Variants in TUSC3 observed in about 807,000 individuals in gnomAD.
The protein encoded by TUSC3 is dolichyl-diphosphooligosaccharide--protein glycosyltransferase subunit TUSC3.
In TUSC3, 45 loss-of-function variants were observed where a neutral mutation model predicts 44.8. The ratio of observed to expected loss-of-function variants is 1.00; its 90% confidence interval spans 0.79 to 1.29. The LOEUF is 1.29. Among genes scored for constraint, TUSC3 ranks in the 50% most tolerant of loss-of-function variants. The pLI, the probability that TUSC3 is intolerant of heterozygous loss-of-function variation, is 0.00. For synonymous variants in TUSC3, 212 were observed against 152.9 expected (o/e 1.39, Z -2.85); for missense variants, 519 against 437.9 (o/e 1.19, Z -1.65).
chr8:15,739,449 C>G (rs914899424), intron 7 of TUSC3, among the ~76,000 whole-genome samples: 1 of 151,974 alleles, frequency 6.6e-6, no homozygotes. Flanking sequence ...GGTTTCTGTT[C>G]CATTTCTGCC....
intron 2 of TUSC3, among the ~76,000 whole-genome samples, chr8:15,500,379 C>T (rs1012889071): frequency 6.6e-6 from 1 of 152,092 alleles, no homozygotes; most frequent in Non-Finnish European, 1.5e-5. Context: ...ACCAAAGGTC[C>T]CATAGACTAT....
Position 15,558,514 on chromosome 8 carries a change from G to GC in TUSC3, c.138+17948dup, listed in dbSNP as rs1330466293. 8.6e-5 allele frequency among the ~76,000 whole-genome samples: 6 copies of GC among 69,482 alleles called. No homozygotes were observed. The South Asian group carries it at 1.1e-3, about 13-fold the overall frequency. The allele number at this position is 69,482 out of a possible 152,430, so 45.6% of individuals were successfully genotyped here. A position where few individuals can be genotyped will look rare whatever the true frequency, so the allele number is the denominator to read the frequency against. ...TGGCTTTGGTATCAGAATGATGCTG[G>GC]CCTCATAAAATGAGTTAGGGAGGAT... is the stretch of plus-strand genomic sequence containing the variant. On this transcript the variant is annotated intron_variant, in intron 1 of 10. Coordinates refer to ENST00000503731, the MANE Select transcript of TUSC3 (RefSeq NM_006765.4).
the TUSC3 span, among the ~76,000 whole-genome samples, chr8:15,789,027 A>C: frequency 6.6e-6 from 1 of 152,210 alleles, no homozygotes; most frequent in Non-Finnish European, 1.5e-5. Flanking sequence ...GCTTAGCTTC[A>C]CATATGCTTG....
intron 3 of TUSC3, among the ~76,000 whole-genome samples, chr8:15,659,120 T>G (rs1261474989): frequency 6.6e-6 from 1 of 152,210 alleles, no homozygotes; most frequent in African/African-American, 2.4e-5. Context: ...CAGTACTTTT[T>G]AAAAATAACT....
chr8:15,735,858 C>G (rs1810908465), intron 7 of TUSC3, among the ~76,000 whole-genome samples: 1 of 149,424 alleles, frequency 6.7e-6, no homozygotes, highest in African/African-American at 2.5e-5. Flanking sequence ...CGCTGCCACA[C>G]CCGGCTAATG....
chr8:15,520,945 A>G (rs1801288883), intron 2 of TUSC3, among the ~76,000 whole-genome samples: 1 of 152,226 alleles, frequency 6.6e-6, no homozygotes, highest in African/African-American at 2.4e-5. Context: ...AATAAAGGCT[A>G]TGCACAGTTA....
chr8:15,807,362 A>C, the TUSC3 span: 1 of 358,804 alleles, frequency 2.8e-6, no homozygotes, highest in Non-Finnish European at 5.2e-6. Flanking sequence ...CACAACAACA[A>C]CAACAAAACA....
chr8:15,543,903 C>T (rs971030706), intron 1 of TUSC3, among the ~76,000 whole-genome samples: 11 of 127,034 alleles, frequency 8.7e-5, no homozygotes, highest in Non-Finnish European at 1.4e-4. Flanking sequence ...GGTGATATCC[C>T]ATGGATTTGT....
intron 1 of TUSC3, among the ~76,000 whole-genome samples, chr8:15,476,540 A>G (rs1290137390): frequency 1.3e-5 from 2 of 152,176 alleles, no homozygotes; most frequent in African/African-American, 4.8e-5. Context: ...TTTATTCTAC[A>G]TCGTGCTCAA....
At chr8:15,812,204 G>A in the TUSC3 span, among the ~76,000 whole-genome samples, 1 of 152,132 alleles carries the variant, frequency 6.6e-6, no homozygotes, top group Admixed American at 6.5e-5. Context: ...AAACAAATAA[G>A]TACTCAATGT....
chr8:15,461,825 T>C (rs1354066541), intron 1 of TUSC3, among the ~76,000 whole-genome samples: 2 of 151,936 alleles, frequency 1.3e-5, no homozygotes, highest in African/African-American at 4.8e-5. Flanking sequence ...AAGATTTGTA[T>C]ATATAATCAA....
At chr8:15,550,191 C>T (rs539913361) in intron 1 of TUSC3, among the ~76,000 whole-genome samples, 8 of 151,756 alleles carry the variant, frequency 5.3e-5, no homozygotes, top group South Asian at 4.2e-4. Flanking sequence ...GGTGTGGCAC[C>T]GGGCTGTCTG....
At chr8:15,565,315 T>C (rs1802625778) in intron 1 of TUSC3, among the ~76,000 whole-genome samples, 1 of 152,148 alleles carries the variant, frequency 6.6e-6, no homozygotes. Flanking sequence ...AGACCCTTAC[T>C]ATTTTGGATC....
chr8:15,617,738 C>T (rs930498084), intron 1 of TUSC3, among the ~76,000 whole-genome samples: 1 of 152,092 alleles, frequency 6.6e-6, no homozygotes, highest in Admixed American at 6.5e-5. Context: ...GTTATGTTTA[C>T]GTTAGTAATG....
At chr8:15,474,053 T>C (rs907426217) in intron 1 of TUSC3, among the ~76,000 whole-genome samples, 2 of 152,050 alleles carry the variant, frequency 1.3e-5, no homozygotes, top group Non-Finnish European at 2.9e-5. Flanking sequence ...GAATGCATTC[T>C]TCCCCACGGT....
the TUSC3 span, chr8:15,806,832 C>A: frequency 8.2e-5 from 78 of 945,800 alleles, no homozygotes; most frequent in Non-Finnish European, 1.2e-4. Flanking sequence ...CCTGTTCCTA[C>A]AAAGTAAACG....
chr8:15,467,308 C>G (rs1306492318), intron 1 of TUSC3, among the ~76,000 whole-genome samples: 1 of 148,942 alleles, frequency 6.7e-6, no homozygotes, highest in South Asian at 2.1e-4. Flanking sequence ...TGTGTCTGAG[C>G]TTTTCTCTAT....
intron 2 of TUSC3, among the ~76,000 whole-genome samples, chr8:15,639,306 G>C (rs1057343435): frequency 1.3e-5 from 2 of 152,174 alleles, no homozygotes; most frequent in African/African-American, 4.8e-5. Flanking sequence ...TGATGATCAT[G>C]TGTTGATGCT....
At chr8:15,470,918 C>A (rs762954221) in intron 1 of TUSC3, among the ~76,000 whole-genome samples, 1 of 152,068 alleles carries the variant, frequency 6.6e-6, no homozygotes, top group Non-Finnish European at 1.5e-5. Context: ...AGGGGACAGG[C>A]TGCAGCCACC....
Sources: gnomAD v4.1 joint callset for allele counts (sites outside exome capture counted in the v4.1 genomes callset) on GRCh38, gnomAD v4.1.1 for gene constraint, MANE v1.5 for transcripts, NCBI Gene and HGNC (gene_info 2026-07-23, HGNC 2026-07-21) for gene names.